DNAAF19: variants seen among roughly 807,000 people sequenced by gnomAD.
DNAAF19 encodes the protein coiled-coil domain containing 103.
the DNAAF19 span, chr17:44,904,967 C>T: frequency 3.2e-6 from 5 of 1,550,638 alleles, no homozygotes; most frequent in Non-Finnish European, 4.4e-6. Flanking sequence ...GGCTGTGGAG[C>T]TCACCCTGAT....
chr17:44,904,521 C>T, the DNAAF19 span: 35 of 1,550,362 alleles, frequency 2.3e-5, no homozygotes, highest in East Asian at 7.3e-5. Flanking sequence ...AGGGACCACA[C>T]GCCTGAGGTG....
chr17:44,905,055 C>T, the DNAAF19 span: 1 of 1,542,846 alleles, frequency 6.5e-7, no homozygotes, highest in Admixed American at 2.0e-5. Flanking sequence ...CACTGTTGTC[C>T]CAGCTTCTCC....
the DNAAF19 span, chr17:44,904,539 G>A: frequency 8.4e-6 from 13 of 1,550,532 alleles, no homozygotes; most frequent in Middle Eastern, 1.7e-4. Flanking sequence ...GTGCTGGTTC[G>A]GAGCTGCTTA....
At chr17:44,901,994 G>A in the DNAAF19 span, among the ~76,000 whole-genome samples, 1 of 152,108 alleles carries the variant, frequency 6.6e-6, no homozygotes, top group Admixed American at 6.6e-5. Context: ...GCAGTGTTGA[G>A]AGAGAGACCC....
the DNAAF19 span, chr17:44,901,798 T>A: frequency 2.1e-6 from 2 of 975,506 alleles, no homozygotes; most frequent in Non-Finnish European, 3.0e-6. Flanking sequence ...CAGAGATAGG[T>A]TTCTGCCTCC....
the DNAAF19 span, chr17:44,902,296 C>T: frequency 1.3e-6 from 2 of 1,587,776 alleles, no homozygotes; most frequent in Non-Finnish European, 1.7e-6. Context: ...GCTACAGGCT[C>T]CCCTCCCTGT....
chr17:44,902,584 A>G, the DNAAF19 span: 2 of 1,613,848 alleles, frequency 1.2e-6, no homozygotes, highest in Non-Finnish European at 1.7e-6. Context: ...GGTGCTGGGG[A>G]TCCTATGCAG....
chr17:44,903,917 A>AC, the DNAAF19 span: 2 of 1,550,216 alleles, frequency 1.3e-6, no homozygotes, highest in African/African-American at 1.4e-5. Flanking sequence ...TTTTCAGAGG[A>AC]CCCCCTGCCC....
the DNAAF19 span, chr17:44,903,598 T>C: frequency 5.5e-5 from 77 of 1,400,338 alleles, no homozygotes; most frequent in South Asian, 1.9e-4. Context: ...AGAATGGCTT[T>C]CCCCCCCCAC....
At chr17:44,901,732 TTTG>T in the DNAAF19 span, 2 of 1,528,382 alleles carry the variant, frequency 1.3e-6, no homozygotes, top group Admixed American at 4.0e-5. Flanking sequence ...TTTGTTTTGT[TTTG>T]TTTTGTTTTT....
At chr17:44,904,294 G>A in the DNAAF19 span, 99 of 1,548,498 alleles carry the variant, frequency 6.4e-5, no homozygotes, top group Non-Finnish European at 8.5e-5. Flanking sequence ...ACAAGGGCCA[G>A]GAGCCCTTTG....
the DNAAF19 span, chr17:44,902,225 C>T: frequency 7.5e-6 from 9 of 1,198,042 alleles, no homozygotes; most frequent in Non-Finnish European, 1.1e-5. Flanking sequence ...AATGAGGCCG[C>T]CAAGGACCAC....
At chr17:44,900,517 T>C in the DNAAF19 span, among the ~76,000 whole-genome samples, 1 of 151,972 alleles carries the variant, frequency 6.6e-6, no homozygotes, top group Non-Finnish European at 1.5e-5. Context: ...GGTGAAAGTC[T>C]CCTTCCTCAT....
chr17:44,900,805 C>T, the DNAAF19 span, among the ~76,000 whole-genome samples: 3 of 152,186 alleles, frequency 2.0e-5, no homozygotes, highest in African/African-American at 7.2e-5. Context: ...TGTGTAAGTC[C>T]TCACTGTGAA....
chr17:44,904,981 C>G, the DNAAF19 span: 1 of 1,550,816 alleles, frequency 6.4e-7, no homozygotes, highest in Non-Finnish European at 8.7e-7. Flanking sequence ...CCCTGATAGG[C>G]TACCTGCTCA....
At chr17:44,904,255 C>T in the DNAAF19 span, 22 of 1,550,404 alleles carry the variant, frequency 1.4e-5, no homozygotes, top group African/African-American at 3.0e-4. Context: ...ACATCCAGAA[C>T]AGTGAGGGAA....
At chr17:44,902,616 C>T in the DNAAF19 span, 10 of 1,614,174 alleles carry the variant, frequency 6.2e-6, no homozygotes, top group Non-Finnish European at 8.5e-6. Flanking sequence ...CTGGGCGCTT[C>T]ACCCTGAACC....
At chr17:44,903,718 C>T in the DNAAF19 span, 1 of 1,445,242 alleles carries the variant, frequency 6.9e-7, no homozygotes, top group Non-Finnish European at 9.1e-7. Context: ...TTCCTGGCTG[C>T]ATAATCCTTT....
At chr17:44,900,892 G>T in the DNAAF19 span, 1 of 1,190,346 alleles carries the variant, frequency 8.4e-7, no homozygotes, top group Non-Finnish European at 1.2e-6. Context: ...TGTCCAGAGT[G>T]CTTTGGGGTC....
Sources: allele counts gnomAD v4.1 joint callset (sites outside exome capture counted in the v4.1 genomes callset), GRCh38; gene constraint gnomAD v4.1.1; transcripts MANE v1.5; gene names NCBI Gene and HGNC (gene_info 2026-07-23, HGNC 2026-07-21).